Variants in RSPO4 observed in about 807,000 individuals in gnomAD.
The protein encoded by RSPO4 is R-spondin-4.
In RSPO4, 23 loss-of-function variants were observed where a neutral mutation model predicts 24.8. The ratio of observed to expected loss-of-function variants is 0.93; its 90% CI spans 0.67 to 1.31. RSPO4 has a LOEUF of 1.31. RSPO4 is among the 40% of genes most tolerant of loss of function. The pLI is 0.00. For missense variants in RSPO4, 333 were observed against 316.5 expected, an observed-to-expected ratio of 1.05 and a Z score of -0.39; for synonymous variants, 141 against 127.4, an observed-to-expected ratio of 1.11 and a Z score of -0.72.
intron 1 of RSPO4, among the ~76,000 whole-genome samples, chr20:997,785 G>T (rs1464458054): frequency 6.6e-6 from 1 of 152,196 alleles, no homozygotes; most frequent in Non-Finnish European, 1.5e-5. Context: ...TCTGGAGTGG[G>T]CACTGCCACA....
chr20:992,646 C>T (rs1054091629), intron 1 of RSPO4, among the ~76,000 whole-genome samples: 2 of 151,982 alleles, frequency 1.3e-5, no homozygotes, highest in Non-Finnish European at 2.9e-5. Flanking sequence ...TCTTATTGTC[C>T]CCATTGTATT....
At chr20:978,866 G>A (rs1600095190) in intron 1 of RSPO4, among the ~76,000 whole-genome samples, 1 of 152,156 alleles carries the variant, frequency 6.6e-6, no homozygotes, top group Non-Finnish European at 1.5e-5. Context: ...GCTTGAGCAA[G>A]GAGCAGATGG....
rs34935852 is a variant in RSPO4 at position 959,060 on chromosome 20, A to C, written c.*1297T>G. On this transcript the variant is annotated 3_prime_UTR_variant, in exon 5 of 5. Transcript: ENST00000217260. ...CGTCACAGCGAAGCACAGATGCTCA[A>C]GTCACTGGTGGTGGGTGTGGGCGAG... is the stretch of plus-strand genomic sequence containing the variant. 0.1 allele frequency: 15,333 copies of C among 149,548 alleles called. 936 individuals carry two copies. Among genetic ancestry groups the C allele is most frequent in the East Asian group, 0.22 (1,050 of 4,830 alleles). The allele number at this position is 149,548 out of a possible 1,614,324, so 9.3% of individuals were successfully genotyped here. A position where few individuals can be genotyped will look rare whatever the true frequency, so the allele number is the denominator to read the frequency against.
chr20:969,334 G>C (rs1397704012), intron 1 of RSPO4, among the ~76,000 whole-genome samples: 2 of 152,192 alleles, frequency 1.3e-5, no homozygotes, highest in Non-Finnish European at 2.9e-5. Context: ...ATAAAAAGAA[G>C]TGGACAGCCT....
intron 1 of RSPO4, among the ~76,000 whole-genome samples, chr20:969,822 G>A (rs868357553): frequency 5.2e-4 from 79 of 152,318 alleles, no homozygotes; most frequent in Non-Finnish European, 8.8e-4. Context: ...CAGCTTTTGA[G>A]AGGCAGCAAT....
chr20:985,058 T>C (rs1213023267), intron 1 of RSPO4, among the ~76,000 whole-genome samples: 2 of 91,564 alleles, frequency 2.2e-5, no homozygotes, highest in Non-Finnish European at 3.8e-5. Flanking sequence ...CACCCACCCA[T>C]CTATCCATCC....
At chr20:993,977 C>T (rs1189577233) in intron 1 of RSPO4, among the ~76,000 whole-genome samples, 1 of 152,168 alleles carries the variant, frequency 6.6e-6, no homozygotes, top group African/African-American at 2.4e-5. Context: ...CTTAACCTTC[C>T]TGTGCCTCAG....
chr20:967,547 G>C (rs1364033667), intron 2 of RSPO4, among the ~76,000 whole-genome samples: 1 of 152,216 alleles, frequency 6.6e-6, no homozygotes, highest in Admixed American at 6.5e-5. Flanking sequence ...TGACTTGCTT[G>C]AAGTCACCCG....
At chr20:967,381 C>T (rs989860691) in intron 2 of RSPO4, 67 bp from the exon 3 acceptor site, 40 of 1,566,352 alleles carry the variant, frequency 2.6e-5, no homozygotes, top group Non-Finnish European at 3.2e-5. Context: ...TGGGTCTGCC[C>T]GAGGTGGAAG....
intron 1 of RSPO4, among the ~76,000 whole-genome samples, chr20:980,044 C>G (rs1568920378): frequency 6.6e-6 from 1 of 152,200 alleles, no homozygotes; most frequent in Non-Finnish European, 1.5e-5. Flanking sequence ...TTAACCAATT[C>G]TTTGTTTTAT....
chr20:966,704 G>A (rs1380185514), intron 3 of RSPO4, among the ~76,000 whole-genome samples: 4 of 152,058 alleles, frequency 2.6e-5, no homozygotes, highest in Admixed American at 6.5e-5. Flanking sequence ...AAACATAAAC[G>A]CATAGCCAGC....
intron 1 of RSPO4, among the ~76,000 whole-genome samples, chr20:976,800 AT>A (rs111669525): frequency 8.8e-4 from 134 of 151,944 alleles, no homozygotes; most frequent in African/African-American, 3.0e-3. Flanking sequence ...AGCCCCATAC[AT>A]TTTTTTTAAA....
intron 1 of RSPO4, among the ~76,000 whole-genome samples, chr20:997,743 G>A (rs191965171): frequency 2.6e-5 from 4 of 152,254 alleles, no homozygotes; most frequent in East Asian, 1.9e-4. Flanking sequence ...CAATTTAAAC[G>A]GAAGCATCAT....
rs546952938 is a variant in RSPO4, at chr20:963,560, A to G, written c.595+375T>C. The stretch of plus-strand genomic sequence containing the variant: ...AAGAAATTTCTTTTCTTTCTCCTCT[A>G]TATTACAGTTAGGACACTATACTGA... On this transcript the variant is annotated intron_variant, in intron 4 of 4. Coordinates refer to ENST00000217260, the MANE Select transcript of RSPO4 (RefSeq NM_001029871.4). Among the ~76,000 whole-genome samples the G allele has an allele frequency of 5.9e-5, 9 of 152,104 alleles. No individual in the cohort carries two copies. The South Asian group carries it at 8.3e-4, about 14-fold the overall frequency.
intron 1 of RSPO4, among the ~76,000 whole-genome samples, chr20:1,001,266 G>A (rs1985453538): frequency 6.6e-6 from 1 of 152,272 alleles, no homozygotes; most frequent in South Asian, 2.1e-4. Flanking sequence ...TCAGGCAGGC[G>A]ATTTGCTCAC....
intron 3 of RSPO4, among the ~76,000 whole-genome samples, chr20:965,980 G>A (rs1473970722): frequency 2.0e-5 from 3 of 152,176 alleles, no homozygotes; most frequent in Non-Finnish European, 2.9e-5. Context: ...AGTCAACAGC[G>A]ATGTCTGCAT....
intron 4 of RSPO4, among the ~76,000 whole-genome samples, chr20:962,066 A>T (rs1984016313): frequency 6.6e-6 from 1 of 152,202 alleles, no homozygotes; most frequent in Non-Finnish European, 1.5e-5. Flanking sequence ...TATTAACTGG[A>T]TACCGACTAT....
At chr20:972,967 A>C (rs1984454643) in intron 1 of RSPO4, among the ~76,000 whole-genome samples, 1 of 152,248 alleles carries the variant, frequency 6.6e-6, no homozygotes, top group African/African-American at 2.4e-5. Flanking sequence ...TGAAAAACGA[A>C]TCTGTGGACA....
In RSPO4 at chr20:964,042, A is replaced by G; in HGVS notation, c.488T>C (p.Leu163Pro). The G allele has an allele frequency of 6.2e-7, 1 of 1,613,590 alleles. No individual in the cohort carries two copies. The highest frequency in any genetic ancestry group is 8.5e-7 in the Non-Finnish European group (1 of 1,179,998). Residue 163 changes from leucine to proline, a missense_variant, in exon 4 of 5, where the codon CTG becomes CCG. Transcript: ENST00000217260. The stretch of plus-strand genomic sequence containing the variant: ...GCCAGCCTCTCGTACCCGGCTCTCC[A>G]GGCCCCAAGCCGAGCCGCAGGTCTT... ...NGKTCGSAWG[L>P]ESRVREAGRA... is the part of the protein sequence containing the mutation.
Sources: gnomAD v4.1 joint callset for allele counts (sites outside exome capture counted in the v4.1 genomes callset) on GRCh38, gnomAD v4.1.1 for gene constraint, MANE v1.5 for transcripts, NCBI Gene and HGNC (gene_info 2026-07-23, HGNC 2026-07-21) for gene names.